The following SLC52A1 variants were observed in gnomAD, a reference collection of about 807,000 sequenced individuals.
The protein encoded by SLC52A1 is solute carrier family 52 member 1.
SLC52A1 carries 20 observed loss-of-function variants against 23.2 expected under a neutral mutation model. That is an observed-to-expected ratio of 0.86 (90% CI 0.61 to 1.25). The LOEUF (loss-of-function observed/expected upper bound fraction) is 1.25. SLC52A1 is among the 50% of genes most tolerant of loss of function. The pLI, the probability that SLC52A1 is intolerant of heterozygous loss-of-function variation, is 0.00. For missense variants in SLC52A1, 528 were observed against 557.0 expected, an observed-to-expected ratio of 0.95 and a Z score of 0.52; for synonymous variants, 260 against 256.6, an observed-to-expected ratio of 1.01 and a Z score of -0.13.
intron 1 of SLC52A1, among the ~76,000 whole-genome samples, chr17:5,041,878 C>G (rs1260490747): frequency 2.0e-5 from 3 of 152,164 alleles, no homozygotes; most frequent in Non-Finnish European, 4.4e-5. Context: ...TCCCAAAGTG[C>G]TGGGATTACA....
intron 1 of SLC52A1, among the ~76,000 whole-genome samples, chr17:5,041,142 G>C (rs1311279025): frequency 6.6e-6 from 1 of 152,078 alleles, no homozygotes; most frequent in Non-Finnish European, 1.5e-5. Flanking sequence ...CTGGAGTCCA[G>C]TGGCAAGATC....
At chr17:5,039,340 T>G (rs1975518340), upstream of SLC52A1, among the ~76,000 whole-genome samples, 1 of 151,142 alleles carries the variant, frequency 6.6e-6, no homozygotes, top group African/African-American at 2.4e-5. Flanking sequence ...AAAAAAAAAT[T>G]CAGTCACTTG....
In SLC52A1 at chr17:5,032,973, T is replaced by A. The variant is rs1597874511; in HGVS notation, c.1331A>T (p.Asp444Val). ...HVFQSRKDCV[D>V]PCGP ...TGCCCAGGCTCAGGGGCCACAGGGG[T>A]CTACACAGTCCTTTCTGCTTTGAAA... Residue 444 changes from aspartate to valine, a missense_variant, in exon 5 of 5, where the codon GAC becomes GTC. Asp to Val is a radical substitution (Grantham distance 152, BLOSUM62 -3). Coordinates refer to ENST00000254853, the MANE Select transcript of SLC52A1 (RefSeq NM_017986.4). 2 of 1,613,018 alleles carry A rather than the reference T, an allele frequency of 1.2e-6. No individual in the cohort carries two copies. The highest frequency in any genetic ancestry group is 1.3e-5 in the African/African-American group (1 of 74,770).
upstream of SLC52A1, among the ~76,000 whole-genome samples, chr17:5,038,183 G>A (rs374932497): frequency 2.0e-4 from 31 of 152,004 alleles, 2 homozygotes; most frequent in South Asian, 5.4e-3. Flanking sequence ...GCCTCCCAAA[G>A]TGCTGGGATT....
At chr17:5,042,373 C>T (rs1437976599) in intron 1 of SLC52A1, among the ~76,000 whole-genome samples, 2 of 152,128 alleles carry the variant, frequency 1.3e-5, no homozygotes, top group East Asian at 1.9e-4. Flanking sequence ...CCTTCTGCTC[C>T]GGCAGCAGCT....
intron 1 of SLC52A1, among the ~76,000 whole-genome samples, chr17:5,040,849 G>A (rs1413053224): frequency 3.3e-5 from 5 of 150,700 alleles, no homozygotes; most frequent in African/African-American, 1.2e-4. Flanking sequence ...AGGCTGGAGT[G>A]CAGTGGTGCG....
chr17:5,034,375 A>G lies in SLC52A1; in HGVS notation c.131-17T>C. ...GGCTCCAACCTGCAGGGAAGGAATG[A>G]TGCCATGTCAGGAGCACAGTGGCTA... On this transcript the variant is annotated splice_polypyrimidine_tract_variant and intron_variant, in intron 2 of 4. Coordinates refer to ENST00000254853, the MANE Select transcript of SLC52A1 (RefSeq NM_017986.4). 3 of 1,586,672 alleles carry G rather than the reference A, an allele frequency of 1.9e-6. No individual in the cohort carries two copies. The highest frequency in any genetic ancestry group is 2.6e-6 in the Non-Finnish European group (3 of 1,165,430).
At position 5,034,513 on chromosome 17, in the gene SLC52A1, C is replaced by G; in HGVS notation, c.94G>C (p.Val32Leu). Residue 32 changes from valine (V) to leucine (L), a missense_variant, in exon 2 of 5, where the codon GTG (valine) becomes CTG (leucine). Val to Leu is a conservative substitution (Grantham distance 32, BLOSUM62 1). Transcript: ENST00000254853. The part of the protein sequence containing the change: ...GSWAAVNGIW[V>L]ELPVVVKDLP... ...TCTTTTACCACCACAGGCAGCTCCA[C>G]CCAGATCCCGTTCACAGCAGCCCAG... The G allele has an allele frequency of 6.2e-7, 1 of 1,614,240 alleles. No individual in the cohort carries two copies. The highest frequency in any genetic ancestry group is 1.3e-5 in the African/African-American group (1 of 75,066).
At position 5,033,467 on chromosome 17, in the gene SLC52A1, A is replaced by G; in HGVS notation, c.1010+12T>C. On this transcript the variant is annotated intron_variant, in intron 3 of 4. Transcript: ENST00000254853. The stretch of plus-strand genomic sequence containing the variant: ...TAAGTTCCACCCACCAAGCCTGGGG[A>G]CCCTTTTGCACCTGCACAGCACGCC... 6.2e-7 allele frequency: 1 copy of G among 1,607,564 alleles called. No homozygotes were observed. Among genetic ancestry groups the G allele is most frequent in the Non-Finnish European group, 8.5e-7 (1 of 1,176,688 alleles).
At chr17:5,037,324 A>G (rs559696295), upstream of SLC52A1, among the ~76,000 whole-genome samples, 13 of 152,296 alleles carry the variant, frequency 8.5e-5, no homozygotes, top group African/African-American at 3.1e-4. Flanking sequence ...GTTCAAGACC[A>G]GCCTGGCCAA....
intron 1 of SLC52A1, among the ~76,000 whole-genome samples, chr17:5,041,241 C>A (rs1975541361): frequency 6.6e-6 from 1 of 152,118 alleles, no homozygotes; most frequent in Admixed American, 6.6e-5. Flanking sequence ...TGTGTGCCAG[C>A]CACCACGGCT....
Position 5,034,260 on chromosome 17 carries a change from C to T in SLC52A1, c.229G>A (p.Glu77Lys), listed in dbSNP as rs376978383. Residue 77 changes from glutamate to lysine, a missense_variant, in exon 3 of 5, where the codon GAG becomes AAG. By Grantham distance (56) the Glu-to-Lys change is moderately conservative. Transcript: ENST00000254853. Reference sequence around the variant, plus strand: ...TGTACCACCTGGATGGGGACCTGCTCGCCCTTGCCCGGGGCCAGCTGCCTC... The same window carrying T: ...TGTACCACCTGGATGGGGACCTGCTTGCCCTTGCCCGGGGCCAGCTGCCTC... ...LWRQLAPGKG[E>K]QVPIQVVQVL... 4.2e-5 allele frequency: 67 copies of T among 1,611,308 alleles called. No individual in the cohort carries two copies. The highest frequency in any genetic ancestry group is 5.3e-5 in the Non-Finnish European group (63 of 1,178,376).
rs979791823 is a variant in SLC52A1 at position 5,033,851 on chromosome 17, C to A, written c.638G>T (p.Gly213Val). The A allele has an allele frequency of 6.2e-7, 1 of 1,614,104 alleles. No homozygotes were observed. The highest frequency in any genetic ancestry group is 8.5e-7 in the Non-Finnish European group (1 of 1,180,052). ...TAGTGATGGCAACAGCAACAGGAGA[C>A]CCCGGAAGGCGGCAGCTGAAGTGAC... Reference protein sequence around the residue: ...LLVTSAAAFRGLLLLLPSLPS... With the variant: ...LLVTSAAAFRVLLLLLPSLPS... The change falls in exon 3 of 5, where the codon GGT becomes GTT. Residue 213 changes from glycine to valine, a missense_variant. By Grantham distance (109) the Gly-to-Val change is moderately radical. Coordinates refer to ENST00000254853, the MANE Select transcript of SLC52A1 (RefSeq NM_017986.4).
rs1423058072 is a variant in SLC52A1, at chr17:5,032,979, C to G, written c.1325G>C (p.Cys442Ser). The change falls in exon 5 of 5, where the codon TGT becomes TCT. Residue 442 changes from cysteine (C) to serine (S), a missense_variant. By Grantham distance (112) the Cys-to-Ser change is moderately radical (BLOSUM62 -1). Transcript: ENST00000254853. Reference protein sequence around the residue: ...IYHVFQSRKDCVDPCGP With the variant: ...IYHVFQSRKDSVDPCGP ...GGCTCAGGGGCCACAGGGGTCTACA[C>G]AGTCCTTTCTGCTTTGAAACACGTG... is the stretch of plus-strand genomic sequence containing the variant. 1.9e-6 allele frequency: 3 copies of G among 1,613,788 alleles called. No individual in the cohort carries two copies.
In SLC52A1 at chr17:5,032,965, C is replaced by T; in HGVS notation, c.1339G>A (p.Gly447Ser). 2 of 1,612,994 alleles carry T rather than the reference C, an allele frequency of 1.2e-6. No homozygotes were observed. Among genetic ancestry groups the T allele is most frequent in the East Asian group, 2.2e-5 (1 of 44,848 alleles). The change falls in exon 5 of 5, where the codon GGC (glycine) becomes AGC (serine). Residue 447 changes from glycine (G) to serine (S), a missense_variant. Coordinates refer to ENST00000254853, the MANE Select transcript of SLC52A1 (RefSeq NM_017986.4). ...TCCCCACCTGCCCAGGCTCAGGGGC[C>T]ACAGGGGTCTACACAGTCCTTTCTG... The part of the protein sequence containing the change: ...QSRKDCVDPC[G>S]P
intron 1 of SLC52A1, among the ~76,000 whole-genome samples, chr17:5,041,518 C>T (rs2143459439): frequency 6.6e-6 from 1 of 151,932 alleles, no homozygotes; most frequent in South Asian, 2.1e-4. Flanking sequence ...ACTCTTATTG[C>T]CCAGGCTGGG....
upstream of SLC52A1, among the ~76,000 whole-genome samples, chr17:5,037,819 A>G (rs1975490991): frequency 6.6e-6 from 1 of 151,822 alleles, no homozygotes; most frequent in African/African-American, 2.4e-5. Context: ...ACGTGCTCAA[A>G]TTGTTGTTGA....
At chr17:5,039,947 C>G (rs1020216196), upstream of SLC52A1, among the ~76,000 whole-genome samples, 2 of 152,134 alleles carry the variant, frequency 1.3e-5, no homozygotes, top group African/African-American at 4.8e-5. Flanking sequence ...AGAGAGGCCG[C>G]GACAGGAGAG....
Position 5,032,967 on chromosome 17 carries a change from C to A in SLC52A1, c.1337G>T (p.Cys446Phe), listed in dbSNP as rs200539588. 3.7e-6 allele frequency: 6 copies of A among 1,613,042 alleles called. No individual in the cohort carries two copies. In the East Asian group the frequency reaches 1.3e-4, roughly 36 times the overall value. The change falls in exon 5 of 5, where the codon TGT (cysteine) becomes TTT (phenylalanine). Residue 446 changes from cysteine to phenylalanine, a missense_variant. Transcript: ENST00000254853. ...CCCACCTGCCCAGGCTCAGGGGCCA[C>A]AGGGGTCTACACAGTCCTTTCTGCT... ...FQSRKDCVDP[C>F]GP
Sources: allele counts gnomAD v4.1 joint callset (sites outside exome capture counted in the v4.1 genomes callset), GRCh38; gene constraint gnomAD v4.1.1; transcripts MANE v1.5; gene names NCBI Gene and HGNC (gene_info 2026-07-23, HGNC 2026-07-21).